The following TVP23C variants were observed in gnomAD, a reference collection of about 807,000 sequenced individuals.
TVP23C encodes Golgi apparatus membrane protein TVP23 homolog C.
In TVP23C, 19 loss-of-function variants were observed where a neutral mutation model predicts 28.7. That is an observed-to-expected ratio of 0.66 (90% CI 0.46 to 0.97). TVP23C has a LOEUF of 0.97. TVP23C is among the 50% of genes least tolerant of loss of function. The pLI is 0.00. For missense variants in TVP23C, 186 were observed against 241.3 expected (o/e 0.77, Z 1.52); for synonymous variants, 68 against 81.7 (o/e 0.83, Z 0.90).
At chr17:15,515,489 T>C (rs935067496) in intron 5 of TVP23C, among the ~76,000 whole-genome samples, 5 of 152,148 alleles carry the variant, frequency 3.3e-5, no homozygotes, top group Admixed American at 6.5e-5. Context: ...ACAGGCCCAG[T>C]TGGGAGCCTG....
downstream of TVP23C, among the ~76,000 whole-genome samples, chr17:15,532,336 C>T (rs1423191214): frequency 6.6e-6 from 1 of 152,174 alleles, no homozygotes; most frequent in African/African-American, 2.4e-5. Context: ...GTGATTGGGA[C>T]TATTCCAGGG....
At chr17:15,543,614 T>G (rs1230581287) in intron 5 of TVP23C, among the ~76,000 whole-genome samples, 1 of 151,338 alleles carries the variant, frequency 6.6e-6, no homozygotes, top group Non-Finnish European at 1.5e-5. Flanking sequence ...GCACTTAAAA[T>G]AGTTACTGTT....
intron 5 of TVP23C, among the ~76,000 whole-genome samples, chr17:15,544,908 C>CAAAATAT (rs915366551): frequency 1.1e-4 from 17 of 151,460 alleles, no homozygotes; most frequent in African/African-American, 3.9e-4. Flanking sequence ...TAATTAAGGC[C>CAAAATAT]AAAATATATC....
In TVP23C at chr17:15,538,099, T is replaced by C. The variant is rs754375308; in HGVS notation, c.*2313A>G. ...AAGAATCTCTTCAGTTGTTCCCCAA[T>C]GTAACAAAGCACATAAGCTTTCTCT... On this transcript the variant is annotated 3_prime_UTR_variant, in exon 6 of 6. Transcript: ENST00000518321. 5.0e-6 allele frequency: 8 copies of C among 1,613,198 alleles called. No homozygotes were observed. Among genetic ancestry groups the C allele is most frequent in the Non-Finnish European group, 4.2e-6 (5 of 1,179,644 alleles).
At chr17:15,553,859 C>A (rs1984008319) in intron 2 of TVP23C, 30 bp from the exon 3 acceptor site, 2 of 1,612,836 alleles carry the variant, frequency 1.2e-6, no homozygotes, top group East Asian at 4.5e-5. Flanking sequence ...GAAAGAAATG[C>A]AATTACATTT....
chr17:15,551,179 C>T (rs1214757022), intron 3 of TVP23C, among the ~76,000 whole-genome samples: 3 of 151,372 alleles, frequency 2.0e-5, no homozygotes, highest in African/African-American at 4.9e-5. Context: ...TGCAGTGGCG[C>T]GATCTCGGCT....
At chr17:15,502,736 C>T (rs912697583) in exon 6 of TVP23C, 39 of 989,700 alleles carry the variant, frequency 3.9e-5, no homozygotes, top group Non-Finnish European at 5.1e-5. Context: ...CTCTCTTTCT[C>T]TCTCCTCTCT....
At chr17:15,522,089 C>G (rs1173730851) in intron 5 of TVP23C, among the ~76,000 whole-genome samples, 1 of 152,114 alleles carries the variant, frequency 6.6e-6, no homozygotes. Context: ...TGAATCATGG[C>G]ACAGGCAGGA....
At chr17:15,550,035 T>C (rs1454144961) in intron 3 of TVP23C, among the ~76,000 whole-genome samples, 2 of 152,226 alleles carry the variant, frequency 1.3e-5, no homozygotes, top group African/African-American at 4.8e-5. Flanking sequence ...TTTCTAACTC[T>C]TTATTTCCTG....
At chr17:15,554,395 G>A (rs1290102299) in intron 2 of TVP23C, among the ~76,000 whole-genome samples, 2 of 151,554 alleles carry the variant, frequency 1.3e-5, no homozygotes, top group Non-Finnish European at 1.5e-5. Flanking sequence ...CTGCCACCAC[G>A]CCCGGCTAAT....
chr17:15,540,018 G>A lies in TVP23C; in HGVS notation c.*394C>T, dbSNP rs900343428. On this transcript the variant is annotated 3_prime_UTR_variant, in exon 6 of 6. Transcript: ENST00000518321. ...TGAGGCAGGAGAATCACATGAACCC[G>A]GGGGGCAGAGGTTGCAGTGAGCCGA... is the stretch of plus-strand genomic sequence containing the variant. The A allele has an allele frequency of 2.6e-4, 204 of 774,878 alleles. No individual in the cohort carries two copies. Among genetic ancestry groups the A allele is most frequent in the Non-Finnish European group, 3.0e-4 (184 of 621,802 alleles). 48.0% of individuals were successfully genotyped at this position (774,878 alleles called of 1,614,324 possible). A position where few individuals can be genotyped will look rare whatever the true frequency, so the allele number is the denominator to read the frequency against.
At chr17:15,514,969 C>T (rs756529357) in intron 5 of TVP23C, among the ~76,000 whole-genome samples, 15 of 152,168 alleles carry the variant, frequency 9.9e-5, no homozygotes, top group Middle Eastern at 3.2e-3. Context: ...AGGTTAGGGG[C>T]ATCTTTCCCG....
chr17:15,539,579 G>A lies in TVP23C; in HGVS notation c.*833C>T, dbSNP rs1983317452. ...GATCACGCCACTGCACTCCAGCCTG[G>A]GCGACAGAGCAAGACTCCATCTCAA... On this transcript the variant is annotated 3_prime_UTR_variant, in exon 6 of 6. Transcript: ENST00000518321. 3.1e-5 allele frequency: 29 copies of A among 936,944 alleles called. No individual in the cohort carries two copies. Among genetic ancestry groups the A allele is most frequent in the Non-Finnish European group, 3.6e-5 (28 of 786,754 alleles). 58.0% of individuals were successfully genotyped at this position (936,944 alleles called of 1,614,324 possible). A position where few individuals can be genotyped will look rare whatever the true frequency, so the allele number is the denominator to read the frequency against.
At chr17:15,520,579 T>C (rs1416893653) in intron 5 of TVP23C, among the ~76,000 whole-genome samples, 5 of 150,498 alleles carry the variant, frequency 3.3e-5, no homozygotes, top group Admixed American at 2.0e-4. Flanking sequence ...ATGTATCTTG[T>C]CCACTTTCTA....
At chr17:15,541,815 T>C (rs961694888) in intron 5 of TVP23C, among the ~76,000 whole-genome samples, 1 of 152,134 alleles carries the variant, frequency 6.6e-6, no homozygotes, top group Non-Finnish European at 1.5e-5. Flanking sequence ...AAATTTCCTT[T>C]TAATTTCCCA....
chr17:15,509,938 T>C (rs1981929593), intron 5 of TVP23C, among the ~76,000 whole-genome samples: 3 of 152,208 alleles, frequency 2.0e-5, no homozygotes, highest in Admixed American at 2.0e-4. Flanking sequence ...TAAGATGCCA[T>C]GGTTGTAAAA....
At chr17:15,533,681 C>T (rs1234708396), downstream of TVP23C, among the ~76,000 whole-genome samples, 2 of 152,064 alleles carry the variant, frequency 1.3e-5, no homozygotes, top group Non-Finnish European at 2.9e-5. Context: ...CATGGGGAAC[C>T]ATGGGGTGCC....
At chr17:15,555,467 T>G (rs1984089877) in intron 1 of TVP23C, 103 bp from the exon 2 acceptor site, 1 of 1,506,706 alleles carries the variant, frequency 6.6e-7, no homozygotes, top group South Asian at 1.2e-5. Context: ...GATAAAATAA[T>G]GTGGTTACAG....
In TVP23C at chr17:15,537,012, TAA is replaced by T. The variant is rs759251123; in HGVS notation, c.*3398_*3399del. 1.8e-4 allele frequency: 31 copies of T among 176,862 alleles called. No homozygotes were observed. The highest frequency in any genetic ancestry group is 2.6e-4 in the Admixed American group (4 of 15,150). 11.0% of individuals were successfully genotyped at this position (176,862 alleles called of 1,614,324 possible). Reference sequence around the variant, plus strand: ...TAAATAGTAGAATTTTATACAAATATAAAGTTTTGCACCTTCAAAGCTATCAC... The same window carrying T: ...TAAATAGTAGAATTTTATACAAATATAGTTTTGCACCTTCAAAGCTATCAC... On this transcript the variant is annotated 3_prime_UTR_variant, in exon 6 of 6. Coordinates refer to ENST00000518321, the MANE Select transcript of TVP23C (RefSeq NM_001135036.2).
Sources: gnomAD v4.1 joint callset for allele counts (sites outside exome capture counted in the v4.1 genomes callset) on GRCh38, gnomAD v4.1.1 for gene constraint, MANE v1.5 for transcripts, NCBI Gene and HGNC (gene_info 2026-07-23, HGNC 2026-07-21) for gene names.